Variants in NIPBL observed in about 807,000 individuals in gnomAD.
The protein encoded by NIPBL is nipped-B-like protein.
In NIPBL, 19 loss-of-function variants were observed where a neutral mutation model predicts 321.8. That is an observed-to-expected ratio of 0.06 (90% CI 0.04 to 0.09). NIPBL has a LOEUF of 0.09. Ranked by LOEUF, NIPBL falls within the 10% of genes least tolerant of loss-of-function variation. The pLI, the probability that NIPBL is intolerant of heterozygous loss-of-function variation, is 1.00. For missense variants in NIPBL, 2,210 were observed against 3,327.0 expected, an observed-to-expected ratio of 0.66 and a Z score of 8.26; for synonymous variants, 1,106 against 1,114.1, an observed-to-expected ratio of 0.99 and a Z score of 0.14.
Position 36,986,112 on chromosome 5 carries a change from A to G in NIPBL, c.2932A>G (p.Met978Val). Reference protein sequence around the residue: ...NVTQETKKMEMKGEPKDKVEK... With the variant: ...NVTQETKKMEVKGEPKDKVEK... ...TACTCAGGAGACAAAGAAAATGGAAATGAAAGGAGAGCCGAAAGACAAAGT... is the reference window on the plus strand; with the variant it reads ...TACTCAGGAGACAAAGAAAATGGAAGTGAAAGGAGAGCCGAAAGACAAAGT... The change falls in exon 10 of 47, where the codon ATG (methionine) becomes GTG (valine). Residue 978 changes from methionine to valine, a missense_variant. Met to Val is a conservative substitution (Grantham distance 21, BLOSUM62 1). This residue lies in a region of NIPBL where 588 missense variants were observed against 564.1 expected (regional missense o/e 1.04). Transcript: ENST00000282516. 1 of 1,613,982 alleles carries G rather than the reference A, an allele frequency of 6.2e-7. No homozygotes were observed. The highest frequency in any genetic ancestry group is 8.5e-7 in the Non-Finnish European group (1 of 1,179,926).
intron 9 of NIPBL, among the ~76,000 whole-genome samples, chr5:36,983,368 C>G (rs1161506023): frequency 6.6e-6 from 1 of 151,670 alleles, no homozygotes; most frequent in Non-Finnish European, 1.5e-5. Flanking sequence ...TTTAAACTGG[C>G]AAGAACTGCT....
intron 40 of NIPBL, chr5:37,051,564 C>A: frequency 1.8e-6 from 1 of 567,960 alleles, no homozygotes. Context: ...TAAATTTTAT[C>A]ACGTCAGTAT....
chr5:36,914,955 AT>A (rs2149550230), intron 1 of NIPBL, among the ~76,000 whole-genome samples: 1 of 152,212 alleles, frequency 6.6e-6, no homozygotes, highest in African/African-American at 2.4e-5. Context: ...TTTTTAAAAT[AT>A]TTTTAAAAAG....
intron 1 of NIPBL, among the ~76,000 whole-genome samples, chr5:36,923,383 T>C (rs1238273667): frequency 6.6e-6 from 1 of 152,110 alleles, no homozygotes; most frequent in Non-Finnish European, 1.5e-5. Context: ...CTGAGATATA[T>C]ATATATTTTT....
chr5:37,000,678 T>A lies in NIPBL; in HGVS notation c.3502+108T>A, dbSNP rs1425847008. ...TTATGAGTTAATAACTAATTTTCAA[T>A]TAAGACAAAAATACTTAGTTTCTAT... is the stretch of plus-strand genomic sequence containing the variant. On this transcript the variant is annotated intron_variant, in intron 12 of 46. Transcript: ENST00000282516. The A allele has an allele frequency of 2.2e-6, 3 of 1,345,248 alleles. No individual in the cohort carries two copies. The Admixed American group carries it at 5.7e-5, about 25-fold the overall frequency. The allele number at this position is 1,345,248 out of a possible 1,614,324, so 83.3% of individuals were successfully genotyped here. A position where few individuals can be genotyped will look rare whatever the true frequency, so the allele number is the denominator to read the frequency against.
At chr5:36,933,999 C>T (rs1306922808) in intron 1 of NIPBL, among the ~76,000 whole-genome samples, 3 of 151,924 alleles carry the variant, frequency 2.0e-5, no homozygotes, top group African/African-American at 4.8e-5. Context: ...ACAAATGTGA[C>T]GTGGCTAATG....
chr5:37,003,499 A>G (rs1747062089), intron 16 of NIPBL, 152 bp downstream of exon 16: 1 of 568,688 alleles, frequency 1.8e-6, no homozygotes, highest in East Asian at 2.8e-5. Flanking sequence ...ATTACAGTCT[A>G]TTGTTCTGTT....
intron 1 of NIPBL, among the ~76,000 whole-genome samples, chr5:36,892,149 A>G (rs1159477862): frequency 6.6e-6 from 1 of 152,222 alleles, no homozygotes; most frequent in African/African-American, 2.4e-5. Context: ...AGATCTCTCC[A>G]GTGTTAAATC....
At chr5:36,954,860 T>C (rs1023809077) in intron 2 of NIPBL, 6 of 153,088 alleles carry the variant, frequency 3.9e-5, no homozygotes, top group African/African-American at 1.4e-4. Flanking sequence ...GAACAGAGAT[T>C]AAACGGCTGA....
intron 34 of NIPBL, among the ~76,000 whole-genome samples, chr5:37,039,682 C>T (rs1426311950): frequency 6.6e-6 from 1 of 152,018 alleles, no homozygotes; most frequent in African/African-American, 2.4e-5. Context: ...TCCTAAGGAG[C>T]TAATTTTAAC....
intron 1 of NIPBL, among the ~76,000 whole-genome samples, chr5:36,906,271 G>A (rs1046494091): frequency 6.6e-6 from 1 of 152,100 alleles, no homozygotes; most frequent in Non-Finnish European, 1.5e-5. Flanking sequence ...TACATAAGAT[G>A]TGTAAAGGAA....
chr5:36,973,690 C>T (rs1207562099), intron 8 of NIPBL, among the ~76,000 whole-genome samples: 9 of 152,028 alleles, frequency 5.9e-5, no homozygotes, highest in Non-Finnish European at 1.2e-4. Flanking sequence ...AGGCTGGTCT[C>T]GAACTCCTGA....
In NIPBL at chr5:36,976,236, T is replaced by A; in HGVS notation, c.1329T>A (p.Val443=). The A allele has an allele frequency of 6.2e-7, 1 of 1,613,830 alleles. No homozygotes were observed. Residue 443 remains valine (V), a synonymous_variant, in exon 9 of 47, where the codon GTT becomes GTA. Coordinates refer to ENST00000282516, the MANE Select transcript of NIPBL (RefSeq NM_133433.4). ...CTGTTTTACAACAGAACACTTCAGTTGCTGCAAAACAACCCCAGACTTCTG... is the reference window on the plus strand; with the variant it reads ...CTGTTTTACAACAGAACACTTCAGTAGCTGCAAAACAACCCCAGACTTCTG... ...QVPVLQQNTS[V]AAKQPQTSVV... is the part of the protein sequence containing the mutation.
chr5:37,045,799 A>C (rs1752914947), intron 37 of NIPBL, among the ~76,000 whole-genome samples: 2 of 152,198 alleles, frequency 1.3e-5, no homozygotes, highest in African/African-American at 4.8e-5. Flanking sequence ...GTAACCAGAT[A>C]ATGAAATTTC....
chr5:36,922,235 C>T (rs1440541518), intron 1 of NIPBL, among the ~76,000 whole-genome samples: 1 of 152,080 alleles, frequency 6.6e-6, no homozygotes, highest in African/African-American at 2.4e-5. Context: ...TATCACTGCC[C>T]ATTTTCCACC....
At chr5:36,946,491 A>AT (rs925102175) in intron 1 of NIPBL, among the ~76,000 whole-genome samples, 4 of 151,400 alleles carry the variant, frequency 2.6e-5, no homozygotes, top group South Asian at 2.1e-4. Context: ...CTAGTTAACC[A>AT]TTTTTTTACT....
chr5:37,005,796 G>C (rs750263426), intron 16 of NIPBL, among the ~76,000 whole-genome samples: 6 of 152,050 alleles, frequency 3.9e-5, no homozygotes, highest in Non-Finnish European at 7.4e-5. Context: ...TTAAAATAAA[G>C]TCTTCTGTCA....
chr5:36,932,517 C>T (rs979266799), intron 1 of NIPBL, among the ~76,000 whole-genome samples: 5 of 151,668 alleles, frequency 3.3e-5, no homozygotes, highest in Admixed American at 3.3e-4. Context: ...TTTATTGTTT[C>T]TGTTTGTATG....
chr5:36,892,502 G>A lies in NIPBL; in HGVS notation c.-80+15324G>A, dbSNP rs190208136. Among the ~76,000 whole-genome samples, 850 of 152,144 alleles carry A rather than the reference G, an allele frequency of 5.6e-3. 13 individuals are homozygous for A. The highest frequency in any genetic ancestry group is 0.035 in the Admixed American group (532 of 15,272). On this transcript the variant is annotated intron_variant, in intron 1 of 46. Coordinates refer to ENST00000282516, the MANE Select transcript of NIPBL (RefSeq NM_133433.4). ...ACACATGCACACGTATGTTTATTGC[G>A]GCACTATTCACAATAGCAAAGACTT...
Sources: allele counts gnomAD v4.1 joint callset (sites outside exome capture counted in the v4.1 genomes callset), GRCh38; gene constraint gnomAD v4.1.1; regional missense constraint gnomAD v4.1.1; transcripts MANE v1.5; gene names NCBI Gene and HGNC (gene_info 2026-07-23, HGNC 2026-07-21).